The following CCSER1 variants were observed in gnomAD, a reference collection of about 807,000 sequenced individuals.
CCSER1 encodes coiled-coil serine rich protein 1.
In CCSER1, 41 loss-of-function variants were observed where a neutral mutation model predicts 82.0. That is an observed-to-expected ratio of 0.50 (90% CI 0.39 to 0.65). The LOEUF (loss-of-function observed/expected upper bound fraction) is 0.65, where lower values mean the gene tolerates loss of function less well. Ranked by LOEUF, CCSER1 falls within the 30% of genes least tolerant of loss-of-function variation. CCSER1 has a pLI of 0.00. For missense variants in CCSER1, 1,119 were observed against 1,064.2 expected, an observed-to-expected ratio of 1.05 and a Z score of -0.72; for synonymous variants, 414 against 383.9, an observed-to-expected ratio of 1.08 and a Z score of -0.92.
At chr4:91,379,075 C>A (rs558720051) in intron 10 of CCSER1, among the ~76,000 whole-genome samples, 14 of 152,142 alleles carry the variant, frequency 9.2e-5, no homozygotes, top group Admixed American at 4.6e-4. Context: ...ATATGTTGAA[C>A]CAGCCTTGCA....
In CCSER1 at chr4:91,264,750, A is replaced by G. The variant is rs1407069882; in HGVS notation, c.2217+178756A>G. On this transcript the variant is annotated intron_variant, in intron 10 of 10. Transcript: ENST00000509176. The stretch of plus-strand genomic sequence containing the variant: ...TCTGAGATAGAGATCAGGTGCATTC[A>G]GGGTAGTATGGCTATAGACTAAAAA... 3.9e-5 allele frequency among the ~76,000 whole-genome samples: 6 copies of G among 152,154 alleles called. No homozygotes were observed. In the East Asian group the frequency reaches 9.7e-4, roughly 25 times the overall value.
chr4:90,263,446 A>G (rs1292406501), intron 1 of CCSER1, among the ~76,000 whole-genome samples: 1 of 152,222 alleles, frequency 6.6e-6, no homozygotes, highest in Admixed American at 6.5e-5. Flanking sequence ...CCTTGGTTGT[A>G]GATAGGCTTA....
At chr4:91,376,627 GA>G (rs561686321) in intron 10 of CCSER1, among the ~76,000 whole-genome samples, 82 of 152,044 alleles carry the variant, frequency 5.4e-4, no homozygotes, top group African/African-American at 1.5e-3. Context: ...GCAAATTAAA[GA>G]AAAAAATTAT....
At chr4:90,782,132 T>C (rs777976547) in intron 7 of CCSER1, 1 of 262,360 alleles carries the variant, frequency 3.8e-6, no homozygotes, top group African/African-American at 2.3e-5. Flanking sequence ...TATTGCATAT[T>C]TCCTGGTCGG....
rs148245791 is a variant in CCSER1 at position 90,918,070 on chromosome 4, G to C, written c.2095-5300G>C. On this transcript the variant is annotated intron_variant, in intron 8 of 10. Coordinates refer to ENST00000509176, the MANE Select transcript of CCSER1 (RefSeq NM_001145065.2). ...TGCCAAACTTTCTTTTGCAAATTTTGGATAGCAACCAAATGTTTTCTGTTT... is the reference window on the plus strand; with the variant it reads ...TGCCAAACTTTCTTTTGCAAATTTTCGATAGCAACCAAATGTTTTCTGTTT... Among the ~76,000 whole-genome samples the C allele has an allele frequency of 7.2e-5, 11 of 151,812 alleles. No individual in the cohort carries two copies. In the East Asian group the frequency reaches 2.1e-3, roughly 29 times the overall value.
At chr4:91,585,927 A>T (rs973896074) in intron 10 of CCSER1, among the ~76,000 whole-genome samples, 2 of 151,734 alleles carry the variant, frequency 1.3e-5, no homozygotes, top group Non-Finnish European at 3.0e-5. Flanking sequence ...CAATGGCATG[A>T]TTAAATTTGC....
intron 8 of CCSER1, among the ~76,000 whole-genome samples, chr4:90,894,956 TA>T (rs1723492314): frequency 6.6e-6 from 1 of 152,016 alleles, no homozygotes; most frequent in South Asian, 2.1e-4. Flanking sequence ...TTAATCAAGA[TA>T]AATTTTAAAA....
chr4:91,571,309 A>G (rs1763166488), intron 10 of CCSER1, among the ~76,000 whole-genome samples: 1 of 152,188 alleles, frequency 6.6e-6, no homozygotes, highest in Non-Finnish European at 1.5e-5. Context: ...ACCTAGTTCC[A>G]AAGTTGCTTC....
chr4:90,785,376 A>G (rs1209193895), intron 7 of CCSER1, among the ~76,000 whole-genome samples: 1 of 152,134 alleles, frequency 6.6e-6, no homozygotes, highest in Admixed American at 6.6e-5. Context: ...TTTTCTTGTT[A>G]TTATGTTATA....
At chr4:90,693,420 G>C (rs988057852) in intron 6 of CCSER1, 1 of 151,864 alleles carries the variant, frequency 6.6e-6, no homozygotes, top group Non-Finnish European at 1.5e-5. Flanking sequence ...TCTACATTAC[G>C]AAGAGAGGAA....
At chr4:90,285,409 A>G (rs1049093335) in intron 1 of CCSER1, among the ~76,000 whole-genome samples, 1 of 151,938 alleles carries the variant, frequency 6.6e-6, no homozygotes, top group African/African-American at 2.4e-5. Context: ...GTTATTGTAA[A>G]TGGGATTACT....
intron 3 of CCSER1, among the ~76,000 whole-genome samples, chr4:90,333,853 C>T (rs189567805): frequency 6.6e-6 from 1 of 152,268 alleles, no homozygotes; most frequent in Non-Finnish European, 1.5e-5. Flanking sequence ...AAAATCGGTT[C>T]AGGTCCTGCA....
At chr4:90,966,581 A>G (rs1011900166) in intron 9 of CCSER1, among the ~76,000 whole-genome samples, 14 of 152,152 alleles carry the variant, frequency 9.2e-5, no homozygotes, top group African/African-American at 3.1e-4. Flanking sequence ...CCTGCCTTAT[A>G]AGAAATTTTA....
At position 91,495,816 on chromosome 4, in the gene CCSER1, T is replaced by G. The variant is rs559610248; in HGVS notation, c.2218-102756T>G. ...ACACAAAATAGAAGAAATTTTAACT[T>G]TATTATAAATTTAAATATAGCTCCG... On this transcript the variant is annotated intron_variant, in intron 10 of 10. Coordinates refer to ENST00000509176, the MANE Select transcript of CCSER1 (RefSeq NM_001145065.2). 1.7e-4 allele frequency among the ~76,000 whole-genome samples: 26 copies of G among 151,792 alleles called. 1 individual carries two copies. Among genetic ancestry groups the G allele is most frequent in the African/African-American group, 5.8e-4 (24 of 41,530 alleles).
chr4:90,224,407 T>C (rs1373679907), intron 1 of CCSER1, among the ~76,000 whole-genome samples: 2 of 152,190 alleles, frequency 1.3e-5, no homozygotes, highest in Non-Finnish European at 2.9e-5. Context: ...GGGTGCTGCA[T>C]TGTACAATGA....
At chr4:91,137,591 A>C (rs1426469234) in intron 10 of CCSER1, among the ~76,000 whole-genome samples, 10 of 133,792 alleles carry the variant, frequency 7.5e-5, no homozygotes, top group South Asian at 2.6e-4. Context: ...CGCCACACTG[A>C]CTTCCACAAT....
intron 8 of CCSER1, among the ~76,000 whole-genome samples, chr4:90,816,924 A>G (rs1442517941): frequency 2.0e-5 from 3 of 152,102 alleles, no homozygotes; most frequent in African/African-American, 7.2e-5. Flanking sequence ...ACAGTGTTCT[A>G]GGATTGGATT....
At chr4:90,955,205 G>T (rs28561570) in intron 9 of CCSER1, among the ~76,000 whole-genome samples, 3,226 of 152,234 alleles carry the variant, frequency 0.021, 101 homozygotes, top group African/African-American at 0.069. Flanking sequence ...GGAAGACCCA[G>T]CTGGTCCCAA....
chr4:90,294,245 C>T (rs1731447657), intron 1 of CCSER1, among the ~76,000 whole-genome samples: 1 of 151,964 alleles, frequency 6.6e-6, no homozygotes, highest in South Asian at 2.1e-4. Context: ...GGCGCAGTGG[C>T]TCATGCCTGT....
Sources: allele counts gnomAD v4.1 joint callset (sites outside exome capture counted in the v4.1 genomes callset), GRCh38; gene constraint gnomAD v4.1.1; transcripts MANE v1.5; gene names NCBI Gene and HGNC (gene_info 2026-07-23, HGNC 2026-07-21).